The following ZNF521 variants were observed in gnomAD, a reference collection of about 807,000 sequenced individuals.
ZNF521 encodes the protein LYST-interacting protein 3.
Under a neutral mutation model 105.5 loss-of-function variants are expected in ZNF521, and 14 were observed. The observed-to-expected ratio is 0.13, with a 90% CI of 0.09 to 0.21. The LOEUF (loss-of-function observed/expected upper bound fraction) is 0.21, where lower values mean the gene tolerates loss of function less well. Ranked by LOEUF, ZNF521 falls within the 10% of genes least tolerant of loss-of-function variation. ZNF521 has a pLI of 1.00. For synonymous variants in ZNF521, 635 were observed against 606.0 expected, an observed-to-expected ratio of 1.05 and a Z score of -0.70; for missense variants, 1,233 against 1,629.7, an observed-to-expected ratio of 0.76 and a Z score of 4.19.
chr18:25,282,663 G>A (rs537864643), intron 3 of ZNF521, among the ~76,000 whole-genome samples: 1 of 152,182 alleles, frequency 6.6e-6, no homozygotes, highest in African/African-American at 2.4e-5. Context: ...TTTTTGAAAG[G>A]ACTAGTCAGA....
In ZNF521 at chr18:25,279,977, G is replaced by C. The variant is rs543362197; in HGVS notation, c.220+42031C>G. Among the ~76,000 whole-genome samples the C allele has an allele frequency of 5.3e-5, 8 of 152,266 alleles. No homozygotes were observed. In the South Asian group the frequency reaches 1.7e-3, roughly 32 times the overall value. On this transcript the variant is annotated intron_variant, in intron 3 of 7. Transcript: ENST00000361524. ...ATAATGTCACAAACTGCAGTGATAC[G>C]ATATATTGATAAAGGATATGATATC...
intron 3 of ZNF521, among the ~76,000 whole-genome samples, chr18:25,242,765 G>C (rs1053572631): frequency 6.6e-6 from 1 of 152,158 alleles, no homozygotes; most frequent in Non-Finnish European, 1.5e-5. Flanking sequence ...TACCAAAATG[G>C]AGAGAGTGGG....
chr18:25,219,707 C>T (rs115316375), intron 4 of ZNF521, among the ~76,000 whole-genome samples: 5,833 of 152,022 alleles, frequency 0.038, 369 homozygotes, highest in African/African-American at 0.13. Flanking sequence ...GTCTCAGCTA[C>T]CCAGGAGGCT....
chr18:25,319,121 G>A (rs1002118598), intron 3 of ZNF521, among the ~76,000 whole-genome samples: 3 of 152,112 alleles, frequency 2.0e-5, no homozygotes, highest in Non-Finnish European at 4.4e-5. Context: ...GACTCCCATT[G>A]GCTAGATCTA....
intron 7 of ZNF521, among the ~76,000 whole-genome samples, chr18:25,083,476 T>C (rs949997867): frequency 1.3e-5 from 2 of 152,166 alleles, no homozygotes; most frequent in Non-Finnish European, 2.9e-5. Context: ...AGAGCCAACG[T>C]TCTGTGAGTG....
At chr18:25,141,811 T>C (rs1287365761) in intron 5 of ZNF521, among the ~76,000 whole-genome samples, 1 of 152,112 alleles carries the variant, frequency 6.6e-6, no homozygotes, top group Non-Finnish European at 1.5e-5. Context: ...ATAAACAAAA[T>C]AAGCCCCAGT....
intron 3 of ZNF521, among the ~76,000 whole-genome samples, chr18:25,263,336 A>G (rs531644938): frequency 6.6e-6 from 1 of 152,218 alleles, no homozygotes; most frequent in African/African-American, 2.4e-5. Context: ...ATGAAAAAAA[A>G]AAGTTAGGTC....
At chr18:25,267,208 G>A (rs542148190) in intron 3 of ZNF521, among the ~76,000 whole-genome samples, 76 of 152,274 alleles carry the variant, frequency 5.0e-4, no homozygotes, top group Non-Finnish European at 6.6e-4. Flanking sequence ...AGGCCTCTGC[G>A]GCCAGACTGC....
intron 5 of ZNF521, among the ~76,000 whole-genome samples, chr18:25,180,310 T>C (rs2035610122): frequency 1.3e-5 from 2 of 152,172 alleles, no homozygotes; most frequent in Admixed American, 1.3e-4. Context: ...ATACATACTA[T>C]TCCCAGGTTT....
At chr18:25,121,635 T>A (rs2034446169) in intron 5 of ZNF521, among the ~76,000 whole-genome samples, 1 of 151,884 alleles carries the variant, frequency 6.6e-6, no homozygotes, top group Non-Finnish European at 1.5e-5. Context: ...ACCATCCCCT[T>A]CCCCACCACT....
At chr18:25,096,222 G>A (rs1387705279) in intron 5 of ZNF521, among the ~76,000 whole-genome samples, 1 of 152,186 alleles carries the variant, frequency 6.6e-6, no homozygotes, top group Non-Finnish European at 1.5e-5. Flanking sequence ...GAAAGCGTCT[G>A]CATACATAAT....
At chr18:25,255,521 A>G (rs1271915113) in intron 3 of ZNF521, among the ~76,000 whole-genome samples, 7 of 152,046 alleles carry the variant, frequency 4.6e-5, no homozygotes, top group Non-Finnish European at 1.5e-5. Context: ...TTCTTTCCCT[A>G]TTTTATTTCT....
intron 2 of ZNF521, among the ~76,000 whole-genome samples, chr18:25,328,033 T>C (rs1049162679): frequency 6.6e-6 from 1 of 152,198 alleles, no homozygotes; most frequent in Non-Finnish European, 1.5e-5. Context: ...GATAAGAATG[T>C]GCTCCTTTTA....
At chr18:25,071,510 C>T (rs2033221693) in intron 7 of ZNF521, among the ~76,000 whole-genome samples, 1 of 152,130 alleles carries the variant, frequency 6.6e-6, no homozygotes, top group Admixed American at 6.5e-5. Flanking sequence ...AAAAAACTAT[C>T]TACTTTGAAA....
intron 5 of ZNF521, among the ~76,000 whole-genome samples, chr18:25,123,391 T>G (rs1221155656): frequency 6.6e-6 from 1 of 152,086 alleles, no homozygotes; most frequent in African/African-American, 2.4e-5. Context: ...AAAGGGAAAG[T>G]GACAAACCTC....
chr18:25,228,919 T>C (rs752582063), intron 3 of ZNF521, among the ~76,000 whole-genome samples: 4 of 152,154 alleles, frequency 2.6e-5, no homozygotes, highest in Non-Finnish European at 5.9e-5. Flanking sequence ...CTTTAAAAGC[T>C]TTCCACTCTC....
intron 3 of ZNF521, among the ~76,000 whole-genome samples, chr18:25,262,150 T>C (rs1004056428): frequency 1.3e-5 from 2 of 152,120 alleles, no homozygotes; most frequent in African/African-American, 4.8e-5. Flanking sequence ...GTCATCTTTC[T>C]TTACACTCAT....
At chr18:25,126,799 TA>T (rs1433486649) in intron 5 of ZNF521, among the ~76,000 whole-genome samples, 6 of 152,078 alleles carry the variant, frequency 3.9e-5, no homozygotes, top group African/African-American at 1.4e-4. Context: ...AATTAAAAAT[TA>T]AAAAAACCAA....
At chr18:25,102,915 C>T (rs1289917724) in intron 5 of ZNF521, among the ~76,000 whole-genome samples, 2 of 152,104 alleles carry the variant, frequency 1.3e-5, no homozygotes, top group Non-Finnish European at 2.9e-5. Context: ...CCATGCCAAC[C>T]TGGTGACGCC....
Sources: gnomAD v4.1 joint callset for allele counts (sites outside exome capture counted in the v4.1 genomes callset) on GRCh38, gnomAD v4.1.1 for gene constraint, MANE v1.5 for transcripts, NCBI Gene and HGNC (gene_info 2026-07-23, HGNC 2026-07-21) for gene names.